TCF25: variants seen among roughly 807,000 people sequenced by gnomAD.
TCF25 encodes ribosome quality control complex subunit TCF25.
TCF25 carries 41 observed loss-of-function variants against 83.1 expected under a neutral mutation model. The observed-to-expected ratio is 0.49, with a 90% CI of 0.38 to 0.64. The LOEUF is 0.64. TCF25 is among the 30% of genes least tolerant of loss of function. The pLI is 0.00. For synonymous variants in TCF25, 458 were observed against 365.0 expected, an observed-to-expected ratio of 1.25 and a Z score of -2.90; for missense variants, 979 against 914.5, an observed-to-expected ratio of 1.07 and a Z score of -0.91.
chr16:89,878,458 TAGG>T (rs2042357967), intron 1 of TCF25: 38 of 1,190,212 alleles, frequency 3.2e-5, no homozygotes, highest in African/African-American at 3.5e-5. Flanking sequence ...TTTTTTTTTT[TAGG>T]AAAAATGGAC....
chr16:89,874,144 G>A (rs2041972638), intron 1 of TCF25, among the ~76,000 whole-genome samples: 1 of 151,854 alleles, frequency 6.6e-6, no homozygotes, highest in East Asian at 2.0e-4. Flanking sequence ...TCGGGGCGGG[G>A]CGACCGAATG....
intron 3 of TCF25, 137 bp from the exon 4 acceptor site, chr16:89,885,709 CAT>C: frequency 4.2e-6 from 3 of 707,182 alleles, no homozygotes; most frequent in South Asian, 1.7e-5. Context: ...GTGGATGGTA[CAT>C]AGTGTTTGAC....
rs747706026 is a variant in TCF25, at chr16:89,904,104, C to T, written c.1382-14C>T. 3.9e-5 allele frequency: 63 copies of T among 1,600,002 alleles called. No individual in the cohort carries two copies. The highest frequency in any genetic ancestry group is 1.6e-4 in the Middle Eastern group (1 of 6,070). ...GTGCTGAGGGCCCCCACAGAGCCTCCGCTTCCCCTGCAGTCCTCCTGCCCC... is the reference window on the plus strand; with the variant it reads ...GTGCTGAGGGCCCCCACAGAGCCTCTGCTTCCCCTGCAGTCCTCCTGCCCC... On this transcript the variant is annotated splice_polypyrimidine_tract_variant and intron_variant, in intron 12 of 17. Coordinates refer to ENST00000263346, the MANE Select transcript of TCF25 (RefSeq NM_014972.3).
In TCF25 at chr16:89,898,597, G is replaced by A; in HGVS notation, c.1063G>A (p.Glu355Lys). The A allele has an allele frequency of 6.2e-7, 1 of 1,610,224 alleles. No individual in the cohort carries two copies. The highest frequency in any genetic ancestry group is 1.1e-5 in the South Asian group (1 of 90,952). The change falls in exon 10 of 18, where the codon GAG (glutamate) becomes AAG (lysine). Residue 355 changes from glutamate to lysine, a missense_variant. By Grantham distance (56) the Glu-to-Lys change is moderately conservative. Coordinates refer to ENST00000263346, the MANE Select transcript of TCF25 (RefSeq NM_014972.3). The part of the protein sequence containing the change: ...LALYKQMSFL[E>K]KRGCPRTALE... ...CCTCTACAAGCAGATGAGCTTCCTG[G>A]AGAAGCGAGGCTGCCCGCGCACGGC... is the stretch of plus-strand genomic sequence containing the variant.
intron 16 of TCF25, chr16:89,908,892 G>A: frequency 1.6e-6 from 2 of 1,272,176 alleles, no homozygotes; most frequent in Non-Finnish European, 2.0e-6. Context: ...GGGGCTCACA[G>A]GGACTGGCTG....
intron 5 of TCF25, 47 bp downstream of exon 5, chr16:89,887,764 T>C: frequency 6.7e-7 from 1 of 1,497,862 alleles, no homozygotes; most frequent in Non-Finnish European, 8.9e-7. Context: ...TCATTCCTTC[T>C]TAGACTCTTG....
chr16:89,885,124 C>T, intron 3 of TCF25, among the ~76,000 whole-genome samples: 1 of 151,924 alleles, frequency 6.6e-6, no homozygotes, highest in East Asian at 1.9e-4. Flanking sequence ...CTGCCTGACG[C>T]TCTCTCCATT....
chr16:89,875,138 T>C (rs2042080435), intron 1 of TCF25, among the ~76,000 whole-genome samples: 1 of 152,238 alleles, frequency 6.6e-6, no homozygotes, highest in African/African-American at 2.4e-5. Flanking sequence ...GTGTTGGCAT[T>C]AGAGGCATGA....
At chr16:89,901,463 C>T (rs938038225) in intron 12 of TCF25, among the ~76,000 whole-genome samples, 5 of 146,980 alleles carry the variant, frequency 3.4e-5, no homozygotes, top group East Asian at 2.2e-4. Flanking sequence ...GACGGGCCTC[C>T]GGCCGGGCGC....
intron 1 of TCF25, among the ~76,000 whole-genome samples, chr16:89,880,542 C>T (rs369966390): frequency 1.1e-4 from 17 of 151,572 alleles, no homozygotes; most frequent in South Asian, 6.2e-4. Flanking sequence ...CAAGATCATG[C>T]GATTGCTCTC....
At chr16:89,889,205 A>T (rs1490692788) in intron 5 of TCF25, 3 of 396,942 alleles carry the variant, frequency 7.6e-6, no homozygotes, top group Non-Finnish European at 9.8e-6. Flanking sequence ...TTATTTATTT[A>T]TTTTTATTTT....
At chr16:89,885,752 G>A (rs1406790996) in intron 3 of TCF25, 96 bp from the exon 4 acceptor site, 1 of 1,004,176 alleles carries the variant, frequency 1.0e-6, no homozygotes, top group Non-Finnish European at 1.6e-6. Context: ...TAAATACAGT[G>A]TAATAGGTCT....
At chr16:89,878,831 C>T (rs780000450) in intron 1 of TCF25, among the ~76,000 whole-genome samples, 2 of 152,092 alleles carry the variant, frequency 1.3e-5, no homozygotes, top group African/African-American at 2.4e-5. Flanking sequence ...TTAGTAGAGA[C>T]GGGGTTTCAC....
At chr16:89,897,980 G>A (rs894824179) in intron 9 of TCF25, among the ~76,000 whole-genome samples, 7 of 152,050 alleles carry the variant, frequency 4.6e-5, no homozygotes, top group Non-Finnish European at 1.0e-4. Context: ...GCGGGTGCCT[G>A]TAGTCTCAGC....
intron 15 of TCF25, among the ~76,000 whole-genome samples, chr16:89,906,683 GAT>G (rs1390608129): frequency 1.3e-5 from 2 of 152,158 alleles, no homozygotes; most frequent in Non-Finnish European, 1.5e-5. Flanking sequence ...TAAGGGATAA[GAT>G]AGAACGAGTG....
At chr16:89,895,194 A>G (rs2058863291) in intron 8 of TCF25, 57 bp downstream of exon 8, 2 of 1,502,846 alleles carry the variant, frequency 1.3e-6, no homozygotes, top group Admixed American at 1.8e-5. Context: ...CAAGCTATCA[A>G]GACAGATGCG....
chr16:89,881,686 C>T (rs1187180432), intron 1 of TCF25, among the ~76,000 whole-genome samples: 2 of 152,058 alleles, frequency 1.3e-5, no homozygotes, highest in South Asian at 4.1e-4. Flanking sequence ...CTCAGATGAT[C>T]CTCCTGCCTC....
chr16:89,904,431 C>T (rs1034742025), intron 13 of TCF25: 4 of 590,924 alleles, frequency 6.8e-6, no homozygotes, highest in Admixed American at 6.0e-5. Flanking sequence ...AAAAACGAGG[C>T]TCATATAAAG....
At chr16:89,882,454 T>C (rs879378601) in intron 1 of TCF25, among the ~76,000 whole-genome samples, 3 of 152,168 alleles carry the variant, frequency 2.0e-5, no homozygotes, top group Non-Finnish European at 4.4e-5. Flanking sequence ...AGGAGGATGC[T>C]TGAACCCAGG....
Sources: allele counts gnomAD v4.1 joint callset (sites outside exome capture counted in the v4.1 genomes callset), GRCh38; gene constraint gnomAD v4.1.1; transcripts MANE v1.5; gene names NCBI Gene and HGNC (gene_info 2026-07-23, HGNC 2026-07-21).